LANCL1: variants seen among roughly 807,000 people sequenced by gnomAD.
The protein encoded by LANCL1 is glutathione S-transferase LANCL1.
A neutral mutation model predicts 50.6 loss-of-function variants in LANCL1; 50 were observed. The observed-to-expected ratio is 0.99, with a 90% confidence interval of 0.79 to 1.25. The LOEUF (loss-of-function observed/expected upper bound fraction) is 1.25, where lower values mean the gene tolerates loss of function less well. Among genes scored for constraint, LANCL1 ranks in the 50% most tolerant of loss-of-function variants. The pLI is 0.00. For missense variants in LANCL1, 532 were observed against 480.7 expected (o/e 1.11, Z -1.00); for synonymous variants, 188 against 178.6 (o/e 1.05, Z -0.42).
At chr2:210,456,594 C>T (rs78270417) in intron 3 of LANCL1, among the ~76,000 whole-genome samples, 3,302 of 151,442 alleles carry the variant, frequency 0.022, 103 homozygotes, top group African/African-American at 0.072. Flanking sequence ...AAAAAAAAAA[C>T]CCTTTTCACA....
intron 4 of LANCL1, among the ~76,000 whole-genome samples, chr2:210,450,220 C>T (rs1459474808): frequency 6.6e-6 from 1 of 152,142 alleles, no homozygotes; most frequent in Non-Finnish European, 1.5e-5. Context: ...CTTTGACAAA[C>T]CTGACAAAAA....
In LANCL1 at chr2:210,435,403, A is replaced by G; in HGVS notation, c.1107T>C (p.Pro369=). The part of the protein sequence containing the change: ...GEHGCRTPDT[P]FSLFEGMAGT... ...ACAAAATACCTTCAAAGAGAGAGAAAGGGGTGTCTGGTGTTCTGCATCCAT... is the reference window on the plus strand; with the variant it reads ...ACAAAATACCTTCAAAGAGAGAGAAGGGGGTGTCTGGTGTTCTGCATCCAT... Residue 369 remains proline, a synonymous_variant, in exon 9 of 10, where the codon CCT becomes CCC. Coordinates refer to ENST00000450366, the MANE Select transcript of LANCL1 (RefSeq NM_006055.3). 2.5e-6 allele frequency: 4 copies of G among 1,612,484 alleles called. No homozygotes were observed. The highest frequency in any genetic ancestry group is 3.4e-6 in the Non-Finnish European group (4 of 1,178,586).
intron 9 of LANCL1, among the ~76,000 whole-genome samples, chr2:210,434,826 C>A (rs1313686861): frequency 2.6e-5 from 4 of 152,064 alleles, no homozygotes; most frequent in Admixed American, 2.0e-4. Flanking sequence ...TGACACCCCC[C>A]GAGAGCAGTT....
chr2:210,460,075 A>T (rs910123492), intron 3 of LANCL1, among the ~76,000 whole-genome samples: 6 of 152,114 alleles, frequency 3.9e-5, no homozygotes, highest in Non-Finnish European at 8.8e-5. Context: ...ATGCATATGG[A>T]GATAAAAATC....
intron 6 of LANCL1, among the ~76,000 whole-genome samples, chr2:210,438,742 T>A (rs1228924100): frequency 4.6e-5 from 7 of 152,218 alleles, no homozygotes; most frequent in Non-Finnish European, 7.3e-5. Context: ...TTAGGACTGA[T>A]CTAAATGCCA....
At chr2:210,458,513 TAGG>T (rs1279844334) in intron 3 of LANCL1, among the ~76,000 whole-genome samples, 2 of 152,240 alleles carry the variant, frequency 1.3e-5, no homozygotes, top group South Asian at 4.2e-4. Context: ...GAGGAACAGT[TAGG>T]AGGATGCTTC....
chr2:210,456,065 C>T (rs768095174), intron 3 of LANCL1, among the ~76,000 whole-genome samples: 1 of 152,082 alleles, frequency 6.6e-6, no homozygotes, highest in Non-Finnish European at 1.5e-5. Flanking sequence ...GAGGCATTGT[C>T]TGCATGTCCT....
chr2:210,454,908 C>A (rs1192468542), intron 4 of LANCL1, among the ~76,000 whole-genome samples, 199 bp downstream of exon 4: 1 of 152,148 alleles, frequency 6.6e-6, no homozygotes, highest in African/African-American at 2.4e-5. Context: ...ATGACAGTGT[C>A]TTTTATCTTG....
chr2:210,437,776 G>C lies in LANCL1; in HGVS notation c.787C>G (p.Pro263Ala). 2 of 1,613,408 alleles carry C rather than the reference G, an allele frequency of 1.2e-6. No individual in the cohort carries two copies. Among genetic ancestry groups the C allele is most frequent in the Non-Finnish European group, 1.7e-6 (2 of 1,179,646 alleles). The change falls in exon 7 of 10, where the codon CCA (proline) becomes GCA (alanine). Residue 263 changes from proline (P) to alanine (A), a missense_variant. Pro to Ala is a conservative substitution (Grantham distance 27). Coordinates refer to ENST00000450366, the MANE Select transcript of LANCL1 (RefSeq NM_006055.3). ...AGATCTCGATTATCACCTATACATG[G>C]AGGGTAATTGCCAGAAGGGAATTTC... ...QLKFPSGNYP[P>A]CIGDNRDLLV... is the part of the protein sequence containing the mutation.
Position 210,476,342 on chromosome 2 carries a change from CG to C in LANCL1, c.54del (p.Glu19LysfsTer10), listed in dbSNP as rs1326890868. On this transcript the variant is annotated frameshift_variant, in exon 2 of 10. Coordinates refer to ENST00000450366, the MANE Select transcript of LANCL1 (RefSeq NM_006055.3). LOFTEE classifies it high-confidence loss of function. The stretch of plus-strand genomic sequence containing the variant: ...CTCCCGGCAGCATCAAAGTAGCCTT[CG>C]GCCAGGGATTTGTTATAATCAGCAT... ...NPYADYNKSLAEGYFDAAGRL... is the reference protein window; with the variant it reads ...NPYADYNKSLXEGYFDAAGRL... 1.9e-6 allele frequency: 3 copies of C among 1,613,866 alleles called. No homozygotes were observed. Among genetic ancestry groups the C allele is most frequent in the Non-Finnish European group, 2.5e-6 (3 of 1,179,890 alleles).
At chr2:210,437,944 CA>C (rs1692992261) in intron 6 of LANCL1, 72 bp from the exon 7 acceptor site, 1 of 1,122,906 alleles carries the variant, frequency 8.9e-7, no homozygotes, top group Admixed American at 2.9e-5. Flanking sequence ...ATATTTAAAC[CA>C]GAAAAAAAGC....
chr2:210,456,721 T>A (rs971751211), intron 3 of LANCL1, among the ~76,000 whole-genome samples: 3 of 152,190 alleles, frequency 2.0e-5, no homozygotes, highest in South Asian at 2.1e-4. Context: ...TTTGCCCTCC[T>A]ATTCCCATTG....
In LANCL1 at chr2:210,476,408, C is replaced by T; in HGVS notation, c.-12G>A. On this transcript the variant is annotated 5_prime_UTR_variant, in exon 2 of 10. Transcript: ENST00000450366. ...GCCCTTTGAGCCATGACGCCGGAAGCAAGCCTGCAGAACAGGGGAAAAACA... is the reference window on the plus strand; with the variant it reads ...GCCCTTTGAGCCATGACGCCGGAAGTAAGCCTGCAGAACAGGGGAAAAACA... 6.2e-7 allele frequency: 1 copy of T among 1,613,284 alleles called. No individual in the cohort carries two copies. Among genetic ancestry groups the T allele is most frequent in the Non-Finnish European group, 8.5e-7 (1 of 1,179,770 alleles).
Position 210,441,355 on chromosome 2 carries a change from T to C in LANCL1, c.496A>G (p.Asn166Asp), listed in dbSNP as rs771322108. 4.3e-6 allele frequency: 7 copies of C among 1,613,634 alleles called. No homozygotes were observed. In the Admixed American group the frequency reaches 5.0e-5, roughly 12 times the overall value. The change falls in exon 5 of 10, where the codon AAT becomes GAT. Residue 166 changes from asparagine (N) to aspartate (D), a missense_variant. Coordinates refer to ENST00000450366, the MANE Select transcript of LANCL1 (RefSeq NM_006055.3). The stretch of plus-strand genomic sequence containing the variant: ...ATCTTTTCCACTCCAAAGTTCTTAT[T>C]GACAAAAAGAAGAGCATAGATGTAG... ...IGYIYALLFV[N>D]KNFGVEKIPQ...
rs1052567586 is a variant in LANCL1, at chr2:210,440,667, A to G, written c.621T>C (p.Tyr207=). ...RNFTAKSPLM[Y]EWYQEYYVGA... ...CTACATAATATTCCTGGTACCATTCATACATCAGTGGAGACTTTGCCGTGA... is the reference window on the plus strand; with the variant it reads ...CTACATAATATTCCTGGTACCATTCGTACATCAGTGGAGACTTTGCCGTGA... The change falls in exon 6 of 10, where the codon TAT becomes TAC. Residue 207 remains tyrosine, a synonymous_variant. Transcript: ENST00000450366. 2 of 1,613,906 alleles carry G rather than the reference A, an allele frequency of 1.2e-6. No individual in the cohort carries two copies. Among genetic ancestry groups the G allele is most frequent in the Non-Finnish European group, 1.7e-6 (2 of 1,179,914 alleles).
intron 4 of LANCL1, among the ~76,000 whole-genome samples, chr2:210,453,985 C>T (rs1411518866): frequency 6.6e-6 from 1 of 151,934 alleles, no homozygotes; most frequent in Non-Finnish European, 1.5e-5. Flanking sequence ...TAAAGTTATA[C>T]TATGTAATGT....
intron 4 of LANCL1, among the ~76,000 whole-genome samples, chr2:210,453,655 T>A (rs542941231): frequency 5.9e-5 from 9 of 152,338 alleles, no homozygotes; most frequent in African/African-American, 2.2e-4. Context: ...ACTTAACAAG[T>A]GATTCACTGA....
intron 7 of LANCL1, among the ~76,000 whole-genome samples, chr2:210,436,915 A>G (rs747259122): frequency 1.3e-5 from 2 of 152,208 alleles, no homozygotes; most frequent in Non-Finnish European, 2.9e-5. Flanking sequence ...TTGCAACCTA[A>G]GTGTTCTTAA....
chr2:210,447,838 G>A (rs1693390331), intron 4 of LANCL1, among the ~76,000 whole-genome samples: 2 of 152,154 alleles, frequency 1.3e-5, no homozygotes, highest in African/African-American at 2.4e-5. Flanking sequence ...CAATACAGGA[G>A]CACCCAGATT....
Sources: allele counts gnomAD v4.1 joint callset (sites outside exome capture counted in the v4.1 genomes callset), GRCh38; gene constraint gnomAD v4.1.1; transcripts MANE v1.5; gene names NCBI Gene and HGNC (gene_info 2026-07-23, HGNC 2026-07-21).